ANKLE1: variants seen among roughly 807,000 people sequenced by gnomAD.
The protein encoded by ANKLE1 is ankyrin repeat and LEM domain containing 1, also known as structure-specific endonuclease ANKLE1.
Under a neutral mutation model 56.2 loss-of-function variants are expected in ANKLE1, and 59 were observed. The observed-to-expected ratio is 1.05, with a 90% CI of 0.85 to 1.30. The LOEUF is 1.30. ANKLE1 is among the 50% of genes most tolerant of loss of function. The pLI, the probability that ANKLE1 is intolerant of heterozygous loss-of-function variation, is 0.00. For missense variants in ANKLE1, 771 were observed against 816.1 expected (o/e 0.94, Z 0.67); for synonymous variants, 341 against 352.9 (o/e 0.97, Z 0.38).
chr19:17,282,192 C>A lies in ANKLE1; in HGVS notation c.198C>A (p.Gly66=). ...GCCTCGGGGCCCTACTGCGCCAAGG[C>A]GGGGACCCCAACGCTCGGTAAGATA... is the stretch of plus-strand genomic sequence containing the variant. The part of the protein sequence containing the change: ...LRCLGALLRQ[G]GDPNARSVEA... Residue 66 remains glycine, a synonymous_variant, in exon 2 of 9, where the codon GGC becomes GGA. Transcript: ENST00000404085. The A allele has an allele frequency of 6.6e-7, 1 of 1,518,508 alleles. No homozygotes were observed. The highest frequency in any genetic ancestry group is 1.2e-5 in the South Asian group (1 of 80,848). 94.1% of individuals were successfully genotyped at this position (1,518,508 alleles called of 1,614,324 possible).
chr19:17,283,696 C>A lies in ANKLE1; in HGVS notation c.932C>A (p.Thr311Asn). Residue 311 changes from threonine to asparagine, a missense_variant, in exon 5 of 9, where the codon ACC (threonine) becomes AAC (asparagine). Thr to Asn is a moderately conservative substitution (Grantham distance 65). Transcript: ENST00000404085. Reference protein sequence around the residue: ...SPAHSPPRTPTPGASDCHCLW... With the variant: ...SPAHSPPRTPNPGASDCHCLW... ...GCTCATAGCCCCCCACGGACACCAA[C>A]CCCTGGAGCTTCTGACTGCCACTGC... The A allele has an allele frequency of 6.2e-7, 1 of 1,613,606 alleles. No individual in the cohort carries two copies. The highest frequency in any genetic ancestry group is 2.2e-5 in the East Asian group (1 of 44,884).
At position 17,285,453 on chromosome 19, in the gene ANKLE1, C is replaced by T. The variant is rs139883964; in HGVS notation, c.1399C>T (p.Arg467Ter). 1.6e-5 allele frequency: 26 copies of T among 1,613,644 alleles called. No homozygotes were observed. Among genetic ancestry groups the T allele is most frequent in the South Asian group, 2.2e-5 (2 of 91,084 alleles). ...CAGGGAGACTCAGGACCTGCCAGCC[C>T]GAGCCTTCTCACTGACCCCAGCTGA... Reference protein sequence around the residue: ...DPRETQDLPARAFSLTPAERL... With the variant: ...DPRETQDLPA The change falls in exon 7 of 9, where the codon CGA (arginine) becomes TGA (stop). Residue 467 changes from arginine (R) to a stop codon, truncating the protein, a stop_gained. Transcript: ENST00000404085. LOFTEE classifies it high-confidence loss of function.
At chr19:17,285,941 G>C in intron 8 of ANKLE1, 122 bp downstream of exon 8, 1 of 1,356,876 alleles carries the variant, frequency 7.4e-7, no homozygotes, top group Admixed American at 2.2e-5. Flanking sequence ...CACCAACTTT[G>C]AACCTGCACA....
In ANKLE1 at chr19:17,283,940, G is replaced by A; in HGVS notation, c.1176G>A (p.Leu392=). 1 of 1,607,306 alleles carries A rather than the reference G, an allele frequency of 6.2e-7. No individual in the cohort carries two copies. Among genetic ancestry groups the A allele is most frequent in the Admixed American group, 1.7e-5 (1 of 59,842 alleles). Residue 392 remains leucine (L), a synonymous_variant, in exon 5 of 9, where the codon CTG becomes CTA. Coordinates refer to ENST00000404085, the MANE Select transcript of ANKLE1 (RefSeq NM_152363.6). ...CCAGGCAGTTGTACCACCAGCAGCT[G>A]GAAGAAGCCCAGATTGCTCCTGGTT... ...PFTRQLYHQQ[L]EEAQIAPGPE... is the part of the protein sequence containing the mutation.
At chr19:17,284,771 C>T (rs150415455) in intron 6 of ANKLE1, among the ~76,000 whole-genome samples, 1,785 of 146,616 alleles carry the variant, frequency 0.012, 27 homozygotes, top group African/African-American at 0.042. Flanking sequence ...CTGCAACCTC[C>T]GCCTCCTGGG....
chr19:17,282,300 C>T (rs2073982112), intron 2 of ANKLE1, 91 bp downstream of exon 2: 3 of 1,385,868 alleles, frequency 2.2e-6, no homozygotes, highest in Non-Finnish European at 2.8e-6. Flanking sequence ...GGCCAGGCCT[C>T]GGGGCTCGAG....
At chr19:17,283,119 G>C in intron 4 of ANKLE1, 106 bp from the exon 5 acceptor site, 1 of 1,541,708 alleles carries the variant, frequency 6.5e-7, no homozygotes, top group Non-Finnish European at 8.7e-7. Flanking sequence ...TTTGTGGCCA[G>C]CTCTTTCGGC....
At chr19:17,282,811 GGGAA>G in intron 3 of ANKLE1, 49 bp from the exon 4 acceptor site, 3 of 1,580,356 alleles carry the variant, frequency 1.9e-6, no homozygotes, top group Non-Finnish European at 2.6e-6. Flanking sequence ...CCCAGAGGGA[GGGAA>G]GGAAGGTAAG....
rs146387346 is a variant in ANKLE1, at chr19:17,284,173, C to G, written c.1283C>G (p.Ala428Gly). 37 of 1,613,738 alleles carry G rather than the reference C, an allele frequency of 2.3e-5. No individual in the cohort carries two copies. The highest frequency in any genetic ancestry group is 7.6e-6 in the Non-Finnish European group (9 of 1,179,890). The change falls in exon 6 of 9, where the codon GCG (alanine) becomes GGG (glycine). Residue 428 changes from alanine to glycine, a missense_variant. Coordinates refer to ENST00000404085, the MANE Select transcript of ANKLE1 (RefSeq NM_152363.6). ...CCAGATGTCCAGGCAGATGAAGACG[C>G]GCTGGCCCAGCAGTTTGAGCAGCCA... ...CIPDVQADEDALAQQFEQPDP... is the reference protein window; with the variant it reads ...CIPDVQADEDGLAQQFEQPDP...
intron 2 of ANKLE1, 84 bp from the exon 3 acceptor site, chr19:17,282,572 A>C: frequency 7.5e-7 from 1 of 1,339,882 alleles, no homozygotes; most frequent in Non-Finnish European, 1.0e-6. Flanking sequence ...GCCGAGAACG[A>C]AGGCTCCAGG....
In ANKLE1 at chr19:17,286,676, G is replaced by GTGTGTGTGTGTGTGTGTGTGTGTGTGTT; in HGVS notation, c.*139_*140insGTGTGTGTGTGTTTGTGTGTGTGTGTGT. The GTGTGTGTGTGTGTGTGTGTGTGTGTGTT allele has an allele frequency of 8.4e-7, 1 of 1,185,050 alleles. No individual in the cohort carries two copies. Among genetic ancestry groups the GTGTGTGTGTGTGTGTGTGTGTGTGTGTT allele is most frequent in the Non-Finnish European group, 1.1e-6 (1 of 882,764 alleles). The allele number at this position is 1,185,050 out of a possible 1,614,324, so 73.4% of individuals were successfully genotyped here. On this transcript the variant is annotated 3_prime_UTR_variant, in exon 9 of 9. Coordinates refer to ENST00000404085, the MANE Select transcript of ANKLE1 (RefSeq NM_152363.6). ...TGTGTGTGTGTGTGTGTGTGTGTGT[G>GTGTGTGTGTGTGTGTGTGTGTGTGTGTT]TGTGTGTGTGTGTGTTTGTGTGTGT...
chr19:17,282,122 C>G lies in ANKLE1; in HGVS notation c.128C>G (p.Ala43Gly). 2 of 1,541,184 alleles carry G rather than the reference C, an allele frequency of 1.3e-6. No homozygotes were observed. Among genetic ancestry groups the G allele is most frequent in the Non-Finnish European group, 1.7e-6 (2 of 1,146,240 alleles). Residue 43 changes from alanine to glycine, a missense_variant, in exon 2 of 9, where the codon GCT (alanine) becomes GGT (glycine). By Grantham distance (60) the Ala-to-Gly change is moderately conservative. Transcript: ENST00000404085. The stretch of plus-strand genomic sequence containing the variant: ...TTGGTGCTAGAGGACGGCGCAGCGG[C>G]TGTGCACTTGGCGGCCGGAGCCCGG... ...PNLVLEDGAA[A>G]VHLAAGARHP...
chr19:17,284,087 A>G lies in ANKLE1; in HGVS notation c.1199-2A>G. The G allele has an allele frequency of 6.2e-7, 1 of 1,613,216 alleles. No homozygotes were observed. Among genetic ancestry groups the G allele is most frequent in the Non-Finnish European group, 8.5e-7 (1 of 1,179,318 alleles). On this transcript the variant is annotated splice_acceptor_variant, in intron 5 of 8. Coordinates refer to ENST00000404085, the MANE Select transcript of ANKLE1 (RefSeq NM_152363.6). LOFTEE classifies it high-confidence loss of function. Reference sequence around the variant, plus strand: ...CCTTCCTCCATCTCCCTTGACTTCCAGGCCCAGAGTTTTCAGGGCACAGCC... The same window carrying G: ...CCTTCCTCCATCTCCCTTGACTTCCGGGCCCAGAGTTTTCAGGGCACAGCC...
Position 17,282,896 on chromosome 19 carries a change from G to A in ANKLE1, c.354G>A (p.Gln118=), listed in dbSNP as rs2073989595. The change falls in exon 4 of 9, where the codon CAG becomes CAA. Residue 118 remains glutamine, a synonymous_variant. Coordinates refer to ENST00000404085, the MANE Select transcript of ANKLE1 (RefSeq NM_152363.6). ...TCCGGCCGCTGGACCTGGCCCTGCA[G>A]CAGGGACACCTGGAGTGCGCGCGAG... ...DGLRPLDLAL[Q]QGHLECARVL... is the part of the protein sequence containing the mutation. 1 of 1,578,910 alleles carries A rather than the reference G, an allele frequency of 6.3e-7. No homozygotes were observed. Among genetic ancestry groups the A allele is most frequent in the Non-Finnish European group, 8.6e-7 (1 of 1,168,484 alleles).
rs374555149 is a variant in ANKLE1, at chr19:17,285,677, C to G, written c.1537-4C>G. ...GGGGGTGCTGACTCCTGATTCTGCC[C>G]TAGCCCCACCAGGCCTGCCCCAAGG... is the stretch of plus-strand genomic sequence containing the variant. On this transcript the variant is annotated splice_polypyrimidine_tract_variant and splice_region_variant and intron_variant, in intron 7 of 8. Coordinates refer to ENST00000404085, the MANE Select transcript of ANKLE1 (RefSeq NM_152363.6). The G allele has an allele frequency of 6.0e-5, 97 of 1,613,952 alleles. No individual in the cohort carries two copies. The highest frequency in any genetic ancestry group is 8.1e-5 in the Non-Finnish European group (96 of 1,179,884).
chr19:17,285,560 C>T lies in ANKLE1; in HGVS notation c.1506C>T (p.Ala502=). The change falls in exon 7 of 9, where the codon GCC becomes GCT. Residue 502 remains alanine (A), a synonymous_variant. Coordinates refer to ENST00000404085, the MANE Select transcript of ANKLE1 (RefSeq NM_152363.6). ...RARPYVHLWE[A]LGHHGRSRKQ... is the part of the protein sequence containing the mutation. Reference sequence around the variant, plus strand: ...GGCCATATGTCCACCTCTGGGAGGCCCTTGGTCACCATGGGCGGTCAAGAA... The same window carrying T: ...GGCCATATGTCCACCTCTGGGAGGCTCTTGGTCACCATGGGCGGTCAAGAA... 6.2e-7 allele frequency: 1 copy of T among 1,613,902 alleles called. No homozygotes were observed. The highest frequency in any genetic ancestry group is 1.7e-5 in the Admixed American group (1 of 59,998).
chr19:17,287,459 C>G lies in ANKLE1; in HGVS notation c.*907C>G, dbSNP rs574742176. ...CAAACAAACAAAAAAACAAATGCCA[C>G]ATCAACATCAGGACGTTAACCTTTA... On this transcript the variant is annotated 3_prime_UTR_variant, in exon 9 of 9. Transcript: ENST00000404085. 6.6e-6 allele frequency: 1 copy of G among 151,584 alleles called. No individual in the cohort carries two copies. Among genetic ancestry groups the G allele is most frequent in the African/African-American group, 2.4e-5 (1 of 41,000 alleles). 9.4% of individuals were successfully genotyped at this position (151,584 alleles called of 1,614,324 possible).
intron 2 of ANKLE1, 120 bp downstream of exon 2, chr19:17,282,329 T>A: frequency 7.3e-7 from 1 of 1,365,546 alleles, no homozygotes; most frequent in Non-Finnish European, 9.6e-7. Flanking sequence ...TTAGGGGATC[T>A]TGGGGAGGGA....
chr19:17,285,868 TC>T, intron 8 of ANKLE1, 49 bp downstream of exon 8: 2 of 1,602,496 alleles, frequency 1.2e-6, no homozygotes, highest in Non-Finnish European at 1.7e-6. Context: ...GCATTTGGCT[TC>T]CCAGTTCCCT....
Sources: allele counts gnomAD v4.1 joint callset (sites outside exome capture counted in the v4.1 genomes callset), GRCh38; gene constraint gnomAD v4.1.1; transcripts MANE v1.5; gene names NCBI Gene and HGNC (gene_info 2026-07-23, HGNC 2026-07-21).